The following DCC variants were observed in gnomAD, a reference collection of about 807,000 sequenced individuals.
DCC encodes netrin receptor DCC.
DCC carries 58 observed loss-of-function variants against 172.5 expected under a neutral mutation model. The ratio of observed to expected loss-of-function variants is 0.34; its 90% CI spans 0.27 to 0.42. DCC has a LOEUF of 0.42. Among genes scored for constraint, DCC ranks in the 10% least tolerant of loss-of-function variants. The pLI, the probability that DCC is intolerant of heterozygous loss-of-function variation, is 1.00. For synonymous variants in DCC, 709 were observed against 644.5 expected (o/e 1.10, Z -1.52); for missense variants, 1,740 against 1,791.0 (o/e 0.97, Z 0.51).
intron 1 of DCC, among the ~76,000 whole-genome samples, chr18:52,581,607 T>C (rs1143768): frequency 0.66 from 100,831 of 151,764 alleles, 34,406 homozygotes; most frequent in Non-Finnish European, 0.76. Flanking sequence ...TACATGTCAC[T>C]TTTTCTTTTT....
intron 1 of DCC, among the ~76,000 whole-genome samples, chr18:52,360,394 C>T (rs902997727): frequency 1.3e-5 from 2 of 152,214 alleles, no homozygotes; most frequent in Non-Finnish European, 2.9e-5. Context: ...GCCAACTTAA[C>T]TCTGTGATTC....
At chr18:53,275,719 T>A (rs928243134) in intron 12 of DCC, among the ~76,000 whole-genome samples, 1 of 152,096 alleles carries the variant, frequency 6.6e-6, no homozygotes, top group Non-Finnish European at 1.5e-5. Flanking sequence ...TTCCTGTTGG[T>A]TTTGCTATTC....
At chr18:52,708,986 A>G (rs184804167) in intron 1 of DCC, among the ~76,000 whole-genome samples, 24 of 152,330 alleles carry the variant, frequency 1.6e-4, no homozygotes, top group African/African-American at 5.3e-4. Context: ...CAAGTACAGA[A>G]CAATAATTAA....
In DCC at chr18:52,641,457, C is replaced by A. The variant is rs193063663; in HGVS notation, c.92-110597C>A. On this transcript the variant is annotated intron_variant, in intron 1 of 28. Coordinates refer to ENST00000442544, the MANE Select transcript of DCC (RefSeq NM_005215.4). Reference sequence around the variant, plus strand: ...CAGAGTGGGAGAAAATCTTCACTATCTATACATCTGACAAAGGACTAACAT... The same window carrying A: ...CAGAGTGGGAGAAAATCTTCACTATATATACATCTGACAAAGGACTAACAT... Among the ~76,000 whole-genome samples the A allele has an allele frequency of 4.6e-5, 7 of 152,256 alleles. No individual in the cohort carries two copies. The East Asian group carries it at 1.4e-3, about 29-fold the overall frequency.
In DCC at chr18:53,516,609, T is replaced by G. The variant is rs190682060; in HGVS notation, c.4112-10008T>G. On this transcript the variant is annotated intron_variant, in intron 27 of 28. Transcript: ENST00000442544. ...GAATGCAAACAAATTTACAAGAAAA[T>G]AAACAACCCCATCAAAAAGTGGGCA... is the stretch of plus-strand genomic sequence containing the variant. Among the ~76,000 whole-genome samples the G allele has an allele frequency of 2.8e-3, 420 of 149,548 alleles. 29 individuals are homozygous for G. Among genetic ancestry groups the G allele is most frequent in the African/African-American group, 0.01 (404 of 40,224 alleles).
Position 52,553,231 on chromosome 18 carries a change from C to G in DCC, c.92-198823C>G, listed in dbSNP as rs769282120. On this transcript the variant is annotated intron_variant, in intron 1 of 28. Transcript: ENST00000442544. Reference sequence around the variant, plus strand: ...TTATACAAACATATATACATATACACACACACACATATATGCTTTAAGCAG... The same window carrying G: ...TTATACAAACATATATACATATACAGACACACACATATATGCTTTAAGCAG... Among the ~76,000 whole-genome samples the G allele has an allele frequency of 6.6e-4, 99 of 150,478 alleles. 1 individual carries two copies. Among genetic ancestry groups the G allele is most frequent in the Non-Finnish European group, 1.5e-4 (10 of 67,960 alleles).
intron 7 of DCC, among the ~76,000 whole-genome samples, chr18:53,096,291 A>G (rs1476414007): frequency 5.9e-5 from 9 of 152,152 alleles, no homozygotes; most frequent in Non-Finnish European, 1.2e-4. Context: ...GCGAGCTATG[A>G]TTGCACCCCT....
At chr18:52,937,890 G>A (rs145764288) in intron 5 of DCC, among the ~76,000 whole-genome samples, 113 of 152,174 alleles carry the variant, frequency 7.4e-4, no homozygotes, top group African/African-American at 2.6e-3. Context: ...TATTGGGTAA[G>A]CGGCCATGAC....
At chr18:52,818,927 C>A (rs1028938074) in intron 2 of DCC, among the ~76,000 whole-genome samples, 2 of 152,094 alleles carry the variant, frequency 1.3e-5, no homozygotes, top group African/African-American at 4.8e-5. Flanking sequence ...GACTTGCATT[C>A]TTAATTTTTT....
At chr18:52,971,791 A>G (rs561896762) in intron 5 of DCC, among the ~76,000 whole-genome samples, 2 of 152,316 alleles carry the variant, frequency 1.3e-5, no homozygotes, top group African/African-American at 4.8e-5. Flanking sequence ...CAAGTTGTGC[A>G]GAAAGTTATC....
chr18:53,028,161 C>T (rs938409233), intron 5 of DCC, among the ~76,000 whole-genome samples: 5 of 152,094 alleles, frequency 3.3e-5, no homozygotes, highest in African/African-American at 1.2e-4. Flanking sequence ...TGGGCACGTT[C>T]AACTCAGACA....
intron 1 of DCC, among the ~76,000 whole-genome samples, chr18:52,488,604 T>C (rs1225746367): frequency 6.6e-6 from 1 of 152,096 alleles, no homozygotes; most frequent in East Asian, 1.9e-4. Flanking sequence ...TGGCATTGAA[T>C]TGACATTGAC....
intron 1 of DCC, among the ~76,000 whole-genome samples, chr18:52,585,691 A>C (rs1023697851): frequency 3.9e-5 from 6 of 152,178 alleles, no homozygotes; most frequent in Non-Finnish European, 7.3e-5. Flanking sequence ...CCAATAATTA[A>C]AGTCAAAAAT....
chr18:53,200,502 T>G (rs958351126), intron 9 of DCC, among the ~76,000 whole-genome samples: 5 of 152,196 alleles, frequency 3.3e-5, no homozygotes, highest in Non-Finnish European at 7.3e-5. Context: ...AAAAGACAGT[T>G]GCTGCAATTA....
intron 27 of DCC, among the ~76,000 whole-genome samples, chr18:53,521,769 A>C (rs1337648569): frequency 6.6e-6 from 1 of 152,136 alleles, no homozygotes; most frequent in Non-Finnish European, 1.5e-5. Flanking sequence ...GAGTTTCTTA[A>C]ACATGTTTTT....
intron 14 of DCC, among the ~76,000 whole-genome samples, chr18:53,333,405 G>A (rs538827659): frequency 4.7e-4 from 72 of 152,332 alleles, no homozygotes; most frequent in African/African-American, 1.4e-3. Context: ...AATGCAGCAC[G>A]CTAAATGGAG....
At chr18:52,391,937 A>G (rs1986044865) in intron 1 of DCC, among the ~76,000 whole-genome samples, 1 of 152,178 alleles carries the variant, frequency 6.6e-6, no homozygotes. Flanking sequence ...AGCTAATGTC[A>G]GACACAAATC....
intron 2 of DCC, among the ~76,000 whole-genome samples, chr18:52,804,731 G>A (rs1031179067): frequency 6.6e-6 from 1 of 152,116 alleles, no homozygotes; most frequent in Non-Finnish European, 1.5e-5. Context: ...TTACAGGCAT[G>A]TGCCACCAAG....
intron 1 of DCC, among the ~76,000 whole-genome samples, chr18:52,556,406 G>T (rs1395157485): frequency 2.0e-5 from 3 of 152,086 alleles, no homozygotes; most frequent in African/African-American, 7.2e-5. Flanking sequence ...TCTGGATAAT[G>T]GTAGGTAGGT....
Sources: gnomAD v4.1 joint callset for allele counts (sites outside exome capture counted in the v4.1 genomes callset) on GRCh38, gnomAD v4.1.1 for gene constraint, MANE v1.5 for transcripts, NCBI Gene and HGNC (gene_info 2026-07-23, HGNC 2026-07-21) for gene names.